The following L3MBTL3 variants were observed in gnomAD, a reference collection of about 807,000 sequenced individuals.
L3MBTL3 encodes the protein L3MBTL histone methyl-lysine binding protein 3.
Under a neutral mutation model 102.3 loss-of-function variants are expected in L3MBTL3, and 27 were observed. The observed-to-expected ratio is 0.26, with a 90% CI of 0.19 to 0.36. The LOEUF (loss-of-function observed/expected upper bound fraction) is 0.36, where lower values mean the gene tolerates loss of function less well. L3MBTL3 is among the 10% of genes least tolerant of loss of function. L3MBTL3 has a pLI of 1.00. For synonymous variants in L3MBTL3, 340 were observed against 320.9 expected (o/e 1.06, Z -0.64); for missense variants, 798 against 955.3 (o/e 0.84, Z 2.17).
intron 14 of L3MBTL3, among the ~76,000 whole-genome samples, chr6:130,079,520 G>T (rs1783176964): frequency 6.6e-6 from 1 of 152,118 alleles, no homozygotes; most frequent in Non-Finnish European, 1.5e-5. Flanking sequence ...TACTCAAGGG[G>T]CCATGACCAC....
intron 2 of L3MBTL3, among the ~76,000 whole-genome samples, chr6:130,026,796 T>C (rs1251036214): frequency 2.6e-5 from 4 of 152,054 alleles, no homozygotes; most frequent in African/African-American, 9.7e-5. Flanking sequence ...GGACTAGTTA[T>C]GAAAAATATA....
intron 3 of L3MBTL3, among the ~76,000 whole-genome samples, chr6:130,044,122 CTG>C (rs1207048854): frequency 1.3e-5 from 2 of 152,148 alleles, no homozygotes; most frequent in African/African-American, 4.8e-5. Flanking sequence ...GAAAGAAAAA[CTG>C]TTTCTCAAAC....
At chr6:130,139,484 A>C (rs1788080203) in intron 22 of L3MBTL3, 126 bp from the exon 23 acceptor site, 1 of 812,490 alleles carries the variant, frequency 1.2e-6, no homozygotes, top group Non-Finnish European at 2.0e-6. Flanking sequence ...GTCATTGCAC[A>C]CGTGAACTTC....
chr6:130,067,728 A>G (rs1321853145), intron 11 of L3MBTL3, among the ~76,000 whole-genome samples: 1 of 152,212 alleles, frequency 6.6e-6, no homozygotes, highest in African/African-American at 2.4e-5. Flanking sequence ...AATGTAAAAT[A>G]AAGCATATTC....
At chr6:130,088,722 G>C (rs1284539536) in intron 16 of L3MBTL3, among the ~76,000 whole-genome samples, 1 of 152,004 alleles carries the variant, frequency 6.6e-6, no homozygotes, top group Non-Finnish European at 1.5e-5. Flanking sequence ...TTTAGCTCTT[G>C]CTTAGGACCT....
At chr6:130,096,334 C>A (rs4074407) in intron 18 of L3MBTL3, among the ~76,000 whole-genome samples, 20,647 of 152,190 alleles carry the variant, frequency 0.14, 3,944 homozygotes, top group African/African-American at 0.43. Context: ...CATAAGATAC[C>A]AAATAATATC....
At chr6:130,111,823 A>G (rs1785365953) in intron 19 of L3MBTL3, among the ~76,000 whole-genome samples, 1 of 152,164 alleles carries the variant, frequency 6.6e-6, no homozygotes, top group Admixed American at 6.5e-5. Flanking sequence ...TCCAGACTCA[A>G]ATATTTATGT....
At chr6:130,074,288 A>T (rs1447040350) in intron 13 of L3MBTL3, among the ~76,000 whole-genome samples, 3 of 152,212 alleles carry the variant, frequency 2.0e-5, no homozygotes, top group African/African-American at 7.2e-5. Flanking sequence ...GAGGAACATG[A>T]TAAAAATTTA....
rs1028182885 is a variant in L3MBTL3, at chr6:130,042,939, A to C, written c.102+138A>C. On this transcript the variant is annotated intron_variant, in intron 3 of 22. Transcript: ENST00000361794. Reference sequence around the variant, plus strand: ...GGTTTTAGATGATGCTTAGACCTCCACAATAAATTTGCAAGACAATTTGAA... The same window carrying C: ...GGTTTTAGATGATGCTTAGACCTCCCCAATAAATTTGCAAGACAATTTGAA... 7.6e-4 allele frequency: 412 copies of C among 542,362 alleles called. 3 individuals carry two copies. Among genetic ancestry groups the C allele is most frequent in the Non-Finnish European group, 1.8e-4 (55 of 305,682 alleles). 33.6% of individuals were successfully genotyped at this position (542,362 alleles called of 1,614,324 possible). A position where few individuals can be genotyped will look rare whatever the true frequency, so the allele number is the denominator to read the frequency against.
At position 130,042,680 on chromosome 6, in the gene L3MBTL3, T is replaced by C. The variant is rs756562867; in HGVS notation, c.-15-5T>C. 6.5e-7 allele frequency: 1 copy of C among 1,547,752 alleles called. No homozygotes were observed. Among genetic ancestry groups the C allele is most frequent in the Admixed American group, 1.7e-5 (1 of 59,838 alleles). ...TTAGTGATATGCCTTCTTTTCCCCTTTCAGGTTAAAAAATAAATCATGACT... is the reference window on the plus strand; with the variant it reads ...TTAGTGATATGCCTTCTTTTCCCCTCTCAGGTTAAAAAATAAATCATGACT... On this transcript the variant is annotated splice_region_variant and splice_polypyrimidine_tract_variant and intron_variant, in intron 2 of 22. Coordinates refer to ENST00000361794, the MANE Select transcript of L3MBTL3 (RefSeq NM_032438.4).
At chr6:130,038,605 C>G (rs1008619833) in intron 2 of L3MBTL3, among the ~76,000 whole-genome samples, 20 of 140,408 alleles carry the variant, frequency 1.4e-4, no homozygotes, top group African/African-American at 5.0e-4. Context: ...TCCCCATTTT[C>G]AAATCAGATT....
intron 2 of L3MBTL3, among the ~76,000 whole-genome samples, chr6:130,026,738 A>G (rs571841522): frequency 2.0e-5 from 3 of 152,268 alleles, no homozygotes; most frequent in East Asian, 1.9e-4. Context: ...GCTTACTTAT[A>G]TAAAGATTTC....
intron 19 of L3MBTL3, among the ~76,000 whole-genome samples, chr6:130,118,801 T>A (rs1785911054): frequency 6.6e-6 from 1 of 152,210 alleles, no homozygotes. Flanking sequence ...CTACATAGCT[T>A]CCATTCTGCT....
chr6:130,115,993 A>G (rs752205995), intron 19 of L3MBTL3, among the ~76,000 whole-genome samples: 16 of 152,160 alleles, frequency 1.1e-4, no homozygotes, highest in Admixed American at 3.3e-4. Flanking sequence ...CCTTCATTCT[A>G]CAAACATGGA....
At chr6:130,050,375 A>G (rs1367670435) in intron 5 of L3MBTL3, among the ~76,000 whole-genome samples, 1 of 152,132 alleles carries the variant, frequency 6.6e-6, no homozygotes, top group Non-Finnish European at 1.5e-5. Context: ...CCAACACATC[A>G]TGTGGTTTCA....
intron 19 of L3MBTL3, among the ~76,000 whole-genome samples, chr6:130,115,302 G>T (rs569551494): frequency 3.1e-4 from 47 of 152,284 alleles, no homozygotes; most frequent in African/African-American, 1.0e-3. Flanking sequence ...TGTCTCTGAT[G>T]CTGGGCCAGC....
intron 12 of L3MBTL3, among the ~76,000 whole-genome samples, chr6:130,070,004 T>C (rs1044467907): frequency 5.9e-5 from 9 of 152,354 alleles, no homozygotes; most frequent in African/African-American, 2.2e-4. Context: ...TTTGCAATGA[T>C]AGTTGTATAA....
intron 22 of L3MBTL3, 124 bp from the exon 23 acceptor site, chr6:130,139,486 G>A (rs987836): frequency 0.89 from 741,804 of 834,876 alleles, 334,094 homozygotes; most frequent in Non-Finnish European, 0.95. Flanking sequence ...CATTGCACAC[G>A]TGAACTTCTC....
intron 22 of L3MBTL3, among the ~76,000 whole-genome samples, chr6:130,136,178 GCTC>G (rs2114464642): frequency 6.6e-6 from 1 of 152,202 alleles, no homozygotes; most frequent in East Asian, 1.9e-4. Context: ...TTCTGTTTTT[GCTC>G]CTCTACAGTC....
Sources: allele counts gnomAD v4.1 joint callset (sites outside exome capture counted in the v4.1 genomes callset), GRCh38; gene constraint gnomAD v4.1.1; transcripts MANE v1.5; gene names NCBI Gene and HGNC (gene_info 2026-07-23, HGNC 2026-07-21).